RALGAPA2: variants seen among roughly 807,000 people sequenced by gnomAD.
RALGAPA2 encodes the protein Ral GTPase activating protein catalytic subunit alpha 2, also known as ral GTPase-activating protein subunit alpha-2.
RALGAPA2 carries 139 observed loss-of-function variants against 230.4 expected under a neutral mutation model. That is an observed-to-expected ratio of 0.60 (90% CI 0.53 to 0.69). The LOEUF (loss-of-function observed/expected upper bound fraction) is 0.69, where lower values mean the gene tolerates loss of function less well. Ranked by LOEUF, RALGAPA2 falls within the 30% of genes least tolerant of loss-of-function variation. The probability of loss-of-function intolerance (pLI) is 0.00; values close to 1 mark genes in which losing one functional copy is unlikely to be tolerated. For synonymous variants in RALGAPA2, 847 were observed against 837.8 expected (o/e 1.01, Z -0.19); for missense variants, 2,163 against 2,276.0 (o/e 0.95, Z 1.01).
intron 1 of RALGAPA2, among the ~76,000 whole-genome samples, chr20:20,689,365 C>T (rs2068818360): frequency 6.6e-6 from 1 of 152,162 alleles, no homozygotes; most frequent in Non-Finnish European, 1.5e-5. Context: ...TAAAATAAGA[C>T]AGGAACAGTG....
intron 23 of RALGAPA2, among the ~76,000 whole-genome samples, chr20:20,553,884 T>C (rs2064000466): frequency 6.6e-6 from 1 of 152,228 alleles, no homozygotes; most frequent in Non-Finnish European, 1.5e-5. Flanking sequence ...TCAGAAAATG[T>C]GGTATATAGA....
In RALGAPA2 at chr20:20,429,776, C is replaced by G. The variant is rs146011635; in HGVS notation, c.5496-17628G>C. On this transcript the variant is annotated intron_variant, in intron 37 of 39. Coordinates refer to ENST00000202677, the MANE Select transcript of RALGAPA2 (RefSeq NM_020343.4). ...CGTCTCACGGTAAAGGCCTTTTGCA[C>G]CATAATCAAAACACTGAGAGGAACA... 5.0e-3 allele frequency among the ~76,000 whole-genome samples: 762 copies of G among 152,260 alleles called. 3 individuals carry two copies. The highest frequency in any genetic ancestry group is 0.017 in the African/African-American group (709 of 41,534).
Position 20,639,969 on chromosome 20 carries a change from A to G in RALGAPA2, c.551-69T>C, listed in dbSNP as rs2066978767. 8 of 1,188,838 alleles carry G rather than the reference A, an allele frequency of 6.7e-6. No individual in the cohort carries two copies. In the South Asian group the frequency reaches 9.8e-5, roughly 15 times the overall value. The allele number at this position is 1,188,838 out of a possible 1,614,324, so 73.6% of individuals were successfully genotyped here. On this transcript the variant is annotated intron_variant, in intron 6 of 39. Coordinates refer to ENST00000202677, the MANE Select transcript of RALGAPA2 (RefSeq NM_020343.4). The stretch of plus-strand genomic sequence containing the variant: ...ATTTTAAACAGAATTTAGGGTTTTA[A>G]AAATGGTCTCTATTAAAATACATCT...
intron 38 of RALGAPA2, among the ~76,000 whole-genome samples, chr20:20,401,340 G>A (rs1422863545): frequency 6.6e-6 from 1 of 152,140 alleles, no homozygotes; most frequent in East Asian, 1.9e-4. Context: ...AGGGGAATGA[G>A]GGCAGCTGTG....
In RALGAPA2 at chr20:20,555,468, A is replaced by T. The variant is rs539057265; in HGVS notation, c.3157-8636T>A. 1.8e-4 allele frequency among the ~76,000 whole-genome samples: 28 copies of T among 152,278 alleles called. No individual in the cohort carries two copies. The South Asian group carries it at 5.6e-3, about 30-fold the overall frequency. On this transcript the variant is annotated intron_variant, in intron 23 of 39. Coordinates refer to ENST00000202677, the MANE Select transcript of RALGAPA2 (RefSeq NM_020343.4). ...CCATTTCTGCAAAAACCACCATTGA[A>T]ATTTTGATAGGGATTGTATGGAATC...
chr20:20,518,189 G>A (rs2062931992), intron 31 of RALGAPA2, among the ~76,000 whole-genome samples: 2 of 151,978 alleles, frequency 1.3e-5, no homozygotes, highest in Admixed American at 6.6e-5. Context: ...CTGAGTAGCT[G>A]GGACTACAGG....
Position 20,616,078 on chromosome 20 carries a change from G to A in RALGAPA2, c.1653C>T (p.Arg551=). 1 of 1,548,572 alleles carries A rather than the reference G, an allele frequency of 6.5e-7. No individual in the cohort carries two copies. The highest frequency in any genetic ancestry group is 8.7e-7 in the Non-Finnish European group (1 of 1,146,444). ...ACKAVLIIFR[R]MIMELTMNKK... is the part of the protein sequence containing the mutation. ...TATTCATTGTAAGCTCCATTATCAT[G>A]CGCCTAAAAATAATCAAAACAGCTT... is the stretch of plus-strand genomic sequence containing the variant. Residue 551 remains arginine (R), a synonymous_variant, in exon 13 of 40, where the codon CGC becomes CGT. Transcript: ENST00000202677.
At chr20:20,527,592 C>T (rs889606826) in intron 27 of RALGAPA2, among the ~76,000 whole-genome samples, 4 of 152,132 alleles carry the variant, frequency 2.6e-5, no homozygotes, top group Non-Finnish European at 2.9e-5. Flanking sequence ...GCCACCACAC[C>T]GCCCTCCCCC....
At chr20:20,645,848 A>T (rs926723906) in intron 4 of RALGAPA2, among the ~76,000 whole-genome samples, 11 of 152,174 alleles carry the variant, frequency 7.2e-5, no homozygotes, top group African/African-American at 2.7e-4. Flanking sequence ...TGAGATTTAA[A>T]CGAGTTAATA....
At chr20:20,686,164 T>C (rs2068691521) in intron 1 of RALGAPA2, among the ~76,000 whole-genome samples, 1 of 152,172 alleles carries the variant, frequency 6.6e-6, no homozygotes, top group Non-Finnish European at 1.5e-5. Flanking sequence ...GCAAAACCTC[T>C]GGGGCAGACT....
At chr20:20,582,979 A>G in intron 20 of RALGAPA2, 71 bp downstream of exon 20, 1 of 1,502,656 alleles carries the variant, frequency 6.7e-7, no homozygotes, top group Non-Finnish European at 9.1e-7. Flanking sequence ...CTCTGTATAC[A>G]AGACTCCAAT....
chr20:20,582,063 A>T (rs2065001224), intron 20 of RALGAPA2, among the ~76,000 whole-genome samples: 1 of 152,012 alleles, frequency 6.6e-6, no homozygotes, highest in Non-Finnish European at 1.5e-5. Context: ...AACAAAGCAA[A>T]ACCAAACCCA....
At chr20:20,487,194 G>A (rs2061933685) in intron 36 of RALGAPA2, among the ~76,000 whole-genome samples, 1 of 152,240 alleles carries the variant, frequency 6.6e-6, no homozygotes, top group South Asian at 2.1e-4. Flanking sequence ...GGCCTCAAAT[G>A]TGGGGTTTTA....
At chr20:20,442,456 A>G (rs2060759203) in intron 37 of RALGAPA2, among the ~76,000 whole-genome samples, 1 of 152,254 alleles carries the variant, frequency 6.6e-6, no homozygotes, top group African/African-American at 2.4e-5. Flanking sequence ...TTTCCTTTGC[A>G]GTGGAATAGC....
intron 3 of RALGAPA2, among the ~76,000 whole-genome samples, chr20:20,666,547 T>A (rs1158459415): frequency 2.6e-5 from 4 of 152,088 alleles, no homozygotes; most frequent in Admixed American, 2.6e-4. Flanking sequence ...GTAGAGGAAG[T>A]CCTTCACCTC....
chr20:20,632,621 G>A (rs900795654), intron 9 of RALGAPA2, among the ~76,000 whole-genome samples: 1 of 152,204 alleles, frequency 6.6e-6, no homozygotes, highest in African/African-American at 2.4e-5. Context: ...AAGATGTGAT[G>A]TAAATTTGCC....
intron 18 of RALGAPA2, among the ~76,000 whole-genome samples, chr20:20,587,399 G>A (rs902973562): frequency 2.6e-5 from 4 of 152,076 alleles, no homozygotes; most frequent in Non-Finnish European, 5.9e-5. Flanking sequence ...TGAAAGAGAG[G>A]TGGCATTTCA....
At chr20:20,421,679 A>C (rs1037042895) in intron 37 of RALGAPA2, among the ~76,000 whole-genome samples, 3 of 143,388 alleles carry the variant, frequency 2.1e-5, no homozygotes, top group Admixed American at 1.3e-4. Context: ...TCAAAAATAA[A>C]CAAACAAACA....
At chr20:20,565,595 C>G (rs1220782632) in intron 23 of RALGAPA2, among the ~76,000 whole-genome samples, 1 of 152,114 alleles carries the variant, frequency 6.6e-6, no homozygotes, top group Non-Finnish European at 1.5e-5. Context: ...ACTACTTTGA[C>G]TTCTGTGATA....
Sources: gnomAD v4.1 joint callset for allele counts (sites outside exome capture counted in the v4.1 genomes callset) on GRCh38, gnomAD v4.1.1 for gene constraint, MANE v1.5 for transcripts, NCBI Gene and HGNC (gene_info 2026-07-23, HGNC 2026-07-21) for gene names.